Variants in VEGFC observed in about 807,000 individuals in gnomAD.
VEGFC encodes the protein FLT4 ligand DHM.
VEGFC carries 12 observed loss-of-function variants against 46.1 expected under a neutral mutation model. That is an observed-to-expected ratio of 0.26 (90% CI 0.17 to 0.42). VEGFC has a LOEUF of 0.42. Ranked by LOEUF, VEGFC falls within the 10% of genes least tolerant of loss-of-function variation. VEGFC has a pLI of 1.00. For missense variants in VEGFC, 488 were observed against 529.4 expected (o/e 0.92, Z 0.77); for synonymous variants, 232 against 195.5 (o/e 1.19, Z -1.56).
chr4:176,740,366 T>C (rs1181650166), intron 1 of VEGFC, among the ~76,000 whole-genome samples: 1 of 121,356 alleles, frequency 8.2e-6, no homozygotes, highest in Non-Finnish European at 1.6e-5. Flanking sequence ...GTTATATATA[T>C]TCTATATATA....
At chr4:176,784,722 C>T (rs1284917163) in intron 1 of VEGFC, among the ~76,000 whole-genome samples, 1 of 120,344 alleles carries the variant, frequency 8.3e-6, no homozygotes, top group Non-Finnish European at 1.6e-5. Context: ...CACTGCATTC[C>T]ATCCAGCCTG....
intron 4 of VEGFC, among the ~76,000 whole-genome samples, chr4:176,690,344 C>CT (rs1320703649): frequency 2.7e-5 from 4 of 146,224 alleles, no homozygotes; most frequent in Admixed American, 6.8e-5. Flanking sequence ...TTTTTTTTGG[C>CT]TTTTTGGTTT....
chr4:176,790,456 C>A (rs1175745597), intron 1 of VEGFC, among the ~76,000 whole-genome samples: 1 of 152,074 alleles, frequency 6.6e-6, no homozygotes, highest in South Asian at 2.1e-4. Flanking sequence ...ACATCACCAA[C>A]GAAGACACTT....
In VEGFC at chr4:176,728,019, A is replaced by G. The variant is rs548364146; in HGVS notation, c.362-51T>C. 11 of 1,475,404 alleles carry G rather than the reference A, an allele frequency of 7.5e-6. No individual in the cohort carries two copies. In the Admixed American group the frequency reaches 8.8e-5, roughly 12 times the overall value. The allele number at this position is 1,475,404 out of a possible 1,614,324, so 91.4% of individuals were successfully genotyped here. ...AGTTTTACGGAAACCACCAAGATAA[A>G]AAAAGCCCACAGCAGCTGCAAATCA... On this transcript the variant is annotated intron_variant, in intron 2 of 6. Coordinates refer to ENST00000618562, the MANE Select transcript of VEGFC (RefSeq NM_005429.5).
At chr4:176,705,341 G>T (rs956201813) in intron 4 of VEGFC, among the ~76,000 whole-genome samples, 18 of 151,786 alleles carry the variant, frequency 1.2e-4, no homozygotes, top group African/African-American at 4.4e-4. Context: ...AATATGAGAG[G>T]AAATAATTGG....
At chr4:176,776,099 T>C (rs1735809395) in intron 1 of VEGFC, among the ~76,000 whole-genome samples, 1 of 152,228 alleles carries the variant, frequency 6.6e-6, no homozygotes, top group Non-Finnish European at 1.5e-5. Context: ...AAGATCATGA[T>C]AGTACAACTT....
rs147867807 is a variant in VEGFC, at chr4:176,764,316, C to T, written c.147+27849G>A. Among the ~76,000 whole-genome samples the T allele has an allele frequency of 1.2e-4, 19 of 152,252 alleles. No individual in the cohort carries two copies. In the South Asian group the frequency reaches 1.5e-3, roughly 12 times the overall value. On this transcript the variant is annotated intron_variant, in intron 1 of 6. Transcript: ENST00000618562. ...GAGTTAACAAAAGTGAGACTGCCAGCATTTTCACAGAGCTGGAGAGACAAA... is the reference window on the plus strand; with the variant it reads ...GAGTTAACAAAAGTGAGACTGCCAGTATTTTCACAGAGCTGGAGAGACAAA...
At chr4:176,758,116 C>A (rs1560957341) in intron 1 of VEGFC, among the ~76,000 whole-genome samples, 1 of 151,874 alleles carries the variant, frequency 6.6e-6, no homozygotes, top group Admixed American at 6.6e-5. Context: ...GTATTTTTAA[C>A]CCTTAGGAGA....
intron 1 of VEGFC, among the ~76,000 whole-genome samples, chr4:176,735,276 G>T (rs911527032): frequency 6.6e-6 from 1 of 151,796 alleles, no homozygotes; most frequent in Non-Finnish European, 1.5e-5. Context: ...TTAAAATATT[G>T]TTCTTTATCC....
intron 3 of VEGFC, among the ~76,000 whole-genome samples, chr4:176,722,499 G>GTTTTTTTTTTTT (rs796817880): frequency 1.3e-4 from 14 of 104,676 alleles, no homozygotes; most frequent in South Asian, 3.5e-4. Flanking sequence ...TTTTTTTTTT[G>GTTTTTTTTTTTT]TTTTTTTTTT....
In VEGFC at chr4:176,687,412, TGGGGTCCACAGCTGG is replaced by T; in HGVS notation, c.905_919del (p.Ala302_His307delinsAsp). ...GCATGAGTTTCTGTCTAGTTCTTTG[TGGGGTCCACAGCTGG>T]CAGGCCGAAGCCCCGCTCTGCAGAC... On this transcript the variant is annotated inframe_deletion, in exon 6 of 7. Transcript: ENST00000618562. 1 of 1,614,218 alleles carries T rather than the reference TGGGGTCCACAGCTGG, an allele frequency of 6.2e-7. No homozygotes were observed. Among genetic ancestry groups the T allele is most frequent in the Non-Finnish European group, 8.5e-7 (1 of 1,180,040 alleles).
chr4:176,741,760 C>CT (rs1283057726), intron 1 of VEGFC, among the ~76,000 whole-genome samples: 3 of 151,954 alleles, frequency 2.0e-5, no homozygotes, highest in Admixed American at 2.0e-4. Context: ...GAAAGGTGAA[C>CT]TAGAGAGATT....
intron 3 of VEGFC, among the ~76,000 whole-genome samples, chr4:176,719,119 C>T (rs1242195145): frequency 1.3e-5 from 2 of 152,062 alleles, no homozygotes; most frequent in Non-Finnish European, 2.9e-5. Flanking sequence ...AGCTGGCTTC[C>T]TCACACGCCC....
At chr4:176,760,521 G>T (rs576764587) in intron 1 of VEGFC, among the ~76,000 whole-genome samples, 1 of 152,068 alleles carries the variant, frequency 6.6e-6, no homozygotes, top group Non-Finnish European at 1.5e-5. Flanking sequence ...ATATTTATCA[G>T]CCCTGTAACT....
chr4:176,767,495 T>TGA (rs1349051524), intron 1 of VEGFC, among the ~76,000 whole-genome samples: 2 of 152,180 alleles, frequency 1.3e-5, no homozygotes, highest in African/African-American at 2.4e-5. Flanking sequence ...GCCCAGCAAT[T>TGA]TCCAGGGCTG....
intron 1 of VEGFC, among the ~76,000 whole-genome samples, chr4:176,753,016 T>C (rs949797876): frequency 6.6e-6 from 1 of 152,098 alleles, no homozygotes; most frequent in African/African-American, 2.4e-5. Context: ...GCACAACTGC[T>C]AGTTGTCATT....
At chr4:176,724,364 T>C (rs957941246) in intron 3 of VEGFC, among the ~76,000 whole-genome samples, 3 of 152,202 alleles carry the variant, frequency 2.0e-5, no homozygotes, top group Non-Finnish European at 2.9e-5. Flanking sequence ...TGTGCACTGA[T>C]TCTGTGGTAG....
chr4:176,781,875 C>T (rs139635797), intron 1 of VEGFC, among the ~76,000 whole-genome samples: 1 of 152,326 alleles, frequency 6.6e-6, no homozygotes, highest in East Asian at 1.9e-4. Flanking sequence ...TTGAACACTG[C>T]TTGCCTGAAG....
rs1364067000 is a variant in VEGFC, at chr4:176,765,358, A to G, written c.147+26807T>C. Among the ~76,000 whole-genome samples the G allele has an allele frequency of 3.1e-4, 47 of 152,026 alleles. 1 individual carries two copies. The highest frequency in any genetic ancestry group is 3.1e-3 in the Admixed American group (47 of 15,262). On this transcript the variant is annotated intron_variant, in intron 1 of 6. Coordinates refer to ENST00000618562, the MANE Select transcript of VEGFC (RefSeq NM_005429.5). Reference sequence around the variant, plus strand: ...CAGATACTGCAAATGTTTAATATATATTTAACTGGAGGATAGAGACTATAA... The same window carrying G: ...CAGATACTGCAAATGTTTAATATATGTTTAACTGGAGGATAGAGACTATAA...
Sources: allele counts gnomAD v4.1 joint callset (sites outside exome capture counted in the v4.1 genomes callset), GRCh38; gene constraint gnomAD v4.1.1; transcripts MANE v1.5; gene names NCBI Gene and HGNC (gene_info 2026-07-23, HGNC 2026-07-21).